The following DZIP1L variants were observed in gnomAD, a reference collection of about 807,000 sequenced individuals.
The protein encoded by DZIP1L is DAZ interacting zinc finger protein 1 like.
DZIP1L carries 90 observed loss-of-function variants against 88.7 expected under a neutral mutation model. The observed-to-expected ratio is 1.02, with a 90% CI of 0.86 to 1.21. The LOEUF (loss-of-function observed/expected upper bound fraction) is 1.21, where lower values mean the gene tolerates loss of function less well. Among genes scored for constraint, DZIP1L ranks in the 50% most tolerant of loss-of-function variants. DZIP1L has a pLI of 0.00. For synonymous variants in DZIP1L, 363 were observed against 372.1 expected (o/e 0.98, Z 0.28); for missense variants, 932 against 955.8 (o/e 0.98, Z 0.33).
At position 138,111,770 on chromosome 3, in the gene DZIP1L, G is replaced by A. The variant is rs527424727; in HGVS notation, c.-82+3558C>T. Among the ~76,000 whole-genome samples, 30 of 152,192 alleles carry A rather than the reference G, an allele frequency of 2.0e-4. No individual in the cohort carries two copies. The East Asian group carries it at 4.0e-3, about 21-fold the overall frequency. On this transcript the variant is annotated intron_variant, in intron 1 of 15. Transcript: ENST00000327532. ...AGCACTTTGGGAGGCTGAGACAGGC[G>A]GATCACCTGAGGTCAGGAGTTCAAG...
chr3:138,075,807 G>A (rs555137125), intron 11 of DZIP1L, among the ~76,000 whole-genome samples: 23 of 152,216 alleles, frequency 1.5e-4, no homozygotes, highest in South Asian at 6.2e-4. Context: ...GTGAAACCCC[G>A]TCTCTACTGG....
chr3:138,113,654 G>A (rs1002855099), intron 1 of DZIP1L, among the ~76,000 whole-genome samples: 1 of 152,212 alleles, frequency 6.6e-6, no homozygotes, highest in Non-Finnish European at 1.5e-5. Context: ...GGACCTGGGA[G>A]CTCTCCTGAA....
chr3:138,077,839 G>T (rs1306493373), intron 10 of DZIP1L, among the ~76,000 whole-genome samples: 2 of 152,218 alleles, frequency 1.3e-5, no homozygotes, highest in Non-Finnish European at 2.9e-5. Flanking sequence ...GTGGGTTCCA[G>T]CCTAATCCTA....
At chr3:138,101,531 C>T in intron 2 of DZIP1L, 3 of 796,256 alleles carry the variant, frequency 3.8e-6, no homozygotes, top group South Asian at 2.7e-5. Context: ...TCGCAAGTCT[C>T]TATCTTCTTC....
intron 12 of DZIP1L, among the ~76,000 whole-genome samples, chr3:138,071,441 G>T (rs989998236): frequency 7.2e-5 from 11 of 152,180 alleles, no homozygotes; most frequent in African/African-American, 2.7e-4. Flanking sequence ...CTGGACAAAT[G>T]CCCCCACTCC....
At chr3:138,100,340 G>A (rs1189399368) in intron 2 of DZIP1L, among the ~76,000 whole-genome samples, 3 of 152,316 alleles carry the variant, frequency 2.0e-5, no homozygotes, top group East Asian at 3.9e-4. Context: ...GGGAAGTTCC[G>A]AGTCCCTTCT....
At chr3:138,099,102 C>T (rs541836566) in intron 2 of DZIP1L, among the ~76,000 whole-genome samples, 55 of 152,154 alleles carry the variant, frequency 3.6e-4, no homozygotes, top group Non-Finnish European at 6.5e-4. Context: ...AGACTGCAGC[C>T]TGGATGACAG....
rs1942778455 is a variant in DZIP1L at position 138,063,722 on chromosome 3, GT to G, written c.2143-746del. Reference sequence around the variant, plus strand: ...GCGGCGCCTCAATCTGTTTGGGGCTGTTGGTGCTCTTTCACAATTTGGAAAA... The same window carrying G: ...GCGGCGCCTCAATCTGTTTGGGGCTGTGGTGCTCTTTCACAATTTGGAAAA... On this transcript the variant is annotated intron_variant, in intron 15 of 15. Coordinates refer to ENST00000327532, the MANE Select transcript of DZIP1L (RefSeq NM_173543.3). This position sits in a 1 kb window ranked among gnomAD's most constrained non-coding sequence, Gnocchi z 4.1. Among the ~76,000 whole-genome samples the G allele has an allele frequency of 6.6e-6, 1 of 152,246 alleles. No homozygotes were observed. The highest frequency in any genetic ancestry group is 1.5e-5 in the Non-Finnish European group (1 of 68,050).
At chr3:138,100,244 T>C (rs532968786) in intron 2 of DZIP1L, among the ~76,000 whole-genome samples, 4 of 152,162 alleles carry the variant, frequency 2.6e-5, no homozygotes, top group Non-Finnish European at 5.9e-5. Context: ...GGTGGAATCT[T>C]ATAAAACCCC....
chr3:138,070,891 T>C (rs1472684340), intron 12 of DZIP1L, among the ~76,000 whole-genome samples: 1 of 152,100 alleles, frequency 6.6e-6, no homozygotes, highest in Non-Finnish European at 1.5e-5. Context: ...CCAGACCCTC[T>C]TGGAACCCTC....
intron 8 of DZIP1L, among the ~76,000 whole-genome samples, chr3:138,083,659 G>A (rs1006508499): frequency 1.3e-5 from 2 of 152,238 alleles, no homozygotes; most frequent in South Asian, 2.1e-4. Flanking sequence ...AAAAACACAC[G>A]CTTTGCGTTC....
intron 1 of DZIP1L, chr3:138,112,610 G>A (rs1264281589): frequency 6.6e-6 from 1 of 152,226 alleles, no homozygotes; most frequent in African/African-American, 2.4e-5. Flanking sequence ...ATTGTGAGCA[G>A]ACTGCTTTTC....
At chr3:138,106,131 T>TTTC (rs2042479579) in intron 1 of DZIP1L, among the ~76,000 whole-genome samples, 9 of 121,532 alleles carry the variant, frequency 7.4e-5, no homozygotes, top group African/African-American at 3.4e-4. Flanking sequence ...TTCTTTCTTT[T>TTTC]TTTTTTTTTT....
chr3:138,067,926 C>T (rs140446866), intron 13 of DZIP1L, among the ~76,000 whole-genome samples: 14 of 152,104 alleles, frequency 9.2e-5, no homozygotes, highest in Non-Finnish European at 1.6e-4. Flanking sequence ...GGAGGGGGAA[C>T]GGGTTTGGGG....
intron 2 of DZIP1L, chr3:138,102,774 AC>A (rs1576497986): frequency 7.8e-6 from 6 of 764,458 alleles, no homozygotes; most frequent in South Asian, 1.4e-5. Context: ...CGCCCAGGTC[AC>A]CCCGGAAGCT....
intron 10 of DZIP1L, among the ~76,000 whole-genome samples, chr3:138,079,206 G>C (rs138354592): frequency 2.6e-5 from 4 of 152,332 alleles, no homozygotes; most frequent in African/African-American, 9.6e-5. Flanking sequence ...AGGATCCCCT[G>C]ACTCATCAGT....
rs1944053048 is a variant in DZIP1L at position 138,088,484 on chromosome 3, G to A, written c.894C>T (p.His298=). The A allele has an allele frequency of 1.2e-6, 2 of 1,613,650 alleles. No homozygotes were observed. Among genetic ancestry groups the A allele is most frequent in the South Asian group, 1.1e-5 (1 of 91,018 alleles). ...ATCCCAGCTTGGACTCCATCACACT[G>A]TGGGACTGCAGTGCCCGCAGTTTCT... ...LEEKLRALQS[H]SVMESKLGSL... is the part of the protein sequence containing the mutation. Residue 298 remains histidine (H), a synonymous_variant, in exon 6 of 16, where the codon CAC becomes CAT. Transcript: ENST00000327532.
rs1260667183 is a variant in DZIP1L, at chr3:138,089,271, G to A, written c.871-764C>T. 3.0e-6 allele frequency: 3 copies of A among 985,212 alleles called. No homozygotes were observed. The Admixed American group carries it at 1.8e-4, about 61-fold the overall frequency. The allele number at this position is 985,212 out of a possible 1,614,324, so 61.0% of individuals were successfully genotyped here. A position where few individuals can be genotyped will look rare whatever the true frequency, so the allele number is the denominator to read the frequency against. On this transcript the variant is annotated intron_variant, in intron 5 of 15. Transcript: ENST00000327532. ...AAGGTTAACAATTTCTAAACTCCCT[G>A]AATATTTTCAGAGTCAAATGCTTGA...
intron 2 of DZIP1L, chr3:138,101,420 C>A: frequency 2.8e-6 from 2 of 713,080 alleles, no homozygotes; most frequent in East Asian, 2.4e-5. Context: ...GCAGCCTCCC[C>A]CGCTGGGCTC....
Sources: gnomAD v4.1 joint callset for allele counts (sites outside exome capture counted in the v4.1 genomes callset) on GRCh38, gnomAD v4.1.1 for gene constraint, Gnocchi (gnomAD v3.1) non-coding constraint, MANE v1.5 for transcripts, NCBI Gene and HGNC (gene_info 2026-07-23, HGNC 2026-07-21) for gene names.